The following C6orf132 variants were observed in gnomAD, a reference collection of about 807,000 sequenced individuals.
C6orf132 encodes uncharacterized protein C6orf132.
In C6orf132, 43 loss-of-function variants were observed where a neutral mutation model predicts 65.3. The ratio of observed to expected loss-of-function variants is 0.66; its 90% CI spans 0.52 to 0.85. The LOEUF is 0.85. C6orf132 is among the 40% of genes least tolerant of loss of function. C6orf132 has a pLI of 0.00. For synonymous variants in C6orf132, 631 were observed against 654.1 expected, an observed-to-expected ratio of 0.96 and a Z score of 0.54; for missense variants, 1,488 against 1,548.8, an observed-to-expected ratio of 0.96 and a Z score of 0.66.
chr6:42,127,368 C>T (rs9462774), intron 2 of C6orf132, among the ~76,000 whole-genome samples: 69,281 of 151,916 alleles, frequency 0.46, 16,067 homozygotes, highest in Middle Eastern at 0.6. Flanking sequence ...TGTGCTCAGC[C>T]CTCCACAGAG....
At chr6:42,119,966 T>G (rs9369338) in intron 2 of C6orf132, among the ~76,000 whole-genome samples, 2 of 151,426 alleles carry the variant, frequency 1.3e-5, no homozygotes, top group African/African-American at 4.8e-5. Flanking sequence ...TGGTGGCACA[T>G]GCCTGTAATC....
rs149331455 is a variant in C6orf132 at position 42,137,774 on chromosome 6, C to T, written c.145+4526G>A. 2.4e-3 allele frequency among the ~76,000 whole-genome samples: 345 copies of T among 146,416 alleles called. 1 individual carries two copies. The highest frequency in any genetic ancestry group is 8.5e-3 in the African/African-American group (335 of 39,308). Reference sequence around the variant, plus strand: ...AGCCCAAAGGCTGGGCGCGGTGGCTCACGCCTGTAAATCCCAGCACTTTGG... The same window carrying T: ...AGCCCAAAGGCTGGGCGCGGTGGCTTACGCCTGTAAATCCCAGCACTTTGG... On this transcript the variant is annotated intron_variant, in intron 1 of 4. Transcript: ENST00000341865.
intron 2 of C6orf132, among the ~76,000 whole-genome samples, chr6:42,114,172 C>T (rs1766532394): frequency 6.6e-6 from 1 of 152,140 alleles, no homozygotes; most frequent in Non-Finnish European, 1.5e-5. Flanking sequence ...GGCAAAAATC[C>T]ATCTCTGGAG....
chr6:42,107,727 C>T, intron 3 of C6orf132, 144 bp from the exon 4 acceptor site: 1 of 1,019,700 alleles, frequency 9.8e-7, no homozygotes, highest in Non-Finnish European at 1.4e-6. Flanking sequence ...GAGGGAGCAG[C>T]CCTGTGTCCA....
At chr6:42,138,927 A>G (rs971045642) in intron 1 of C6orf132, among the ~76,000 whole-genome samples, 33 of 151,826 alleles carry the variant, frequency 2.2e-4, no homozygotes, top group Non-Finnish European at 4.3e-4. Flanking sequence ...AGACTTTGTT[A>G]GGATTGCAAA....
intron 2 of C6orf132, among the ~76,000 whole-genome samples, chr6:42,117,596 A>T (rs1186545451): frequency 5.3e-5 from 8 of 152,092 alleles, no homozygotes; most frequent in Admixed American, 4.6e-4. Flanking sequence ...TTGAATGAAT[A>T]TGTTCCTGGA....
At chr6:42,136,068 TA>T (rs1413251003) in intron 1 of C6orf132, among the ~76,000 whole-genome samples, 17 of 151,118 alleles carry the variant, frequency 1.1e-4, no homozygotes, top group African/African-American at 4.1e-4. Context: ...CATATGTAAC[TA>T]ACCTGCACAT....
rs1369528155 is a variant in C6orf132 at position 42,106,070 on chromosome 6, C to T, written c.1842G>A (p.Val614=). Residue 614 remains valine, a synonymous_variant, in exon 4 of 5, where the codon GTG becomes GTA. Transcript: ENST00000341865. ...GADDDKLSKP[V]AKNLPPQSTT... ...TGGATTGAGGTGGCAGATTCTTGGC[C>T]ACAGGCTTGGAGAGTTTGTCATCAT... 1 of 1,537,118 alleles carries T rather than the reference C, an allele frequency of 6.5e-7. No individual in the cohort carries two copies. Among genetic ancestry groups the T allele is most frequent in the African/African-American group, 1.4e-5 (1 of 73,026 alleles).
In C6orf132 at chr6:42,105,810, G is replaced by A; in HGVS notation, c.2102C>T (p.Thr701Ile). 2 of 1,537,324 alleles carry A rather than the reference G, an allele frequency of 1.3e-6. No homozygotes were observed. Among genetic ancestry groups the A allele is most frequent in the South Asian group, 2.4e-5 (2 of 84,068 alleles). ...CTTCTCTGCCATCAGTTGGGATGTG[G>A]TGGTGGGCAGAGTTGTGGCTGTAGA... is the stretch of plus-strand genomic sequence containing the variant. ...IASTATTLPT[T>I]TSQLMAEKDS... Residue 701 changes from threonine to isoleucine, a missense_variant, in exon 4 of 5, where the codon ACC becomes ATC. Transcript: ENST00000341865.
Position 42,107,190 on chromosome 6 carries a change from G to A in C6orf132, c.722C>T (p.Ser241Phe). The A allele has an allele frequency of 7.0e-7, 1 of 1,427,406 alleles. No individual in the cohort carries two copies. The highest frequency in any genetic ancestry group is 2.5e-5 in the East Asian group (1 of 39,274). The allele number at this position is 1,427,406 out of a possible 1,614,324, so 88.4% of individuals were successfully genotyped here. The stretch of plus-strand genomic sequence containing the variant: ...GAGACGAGTCCCCACTGTGTGAGGA[G>A]ATGCTGGAGCTGGGGGTGCTGGGGC... ...VPAPAPPAPA[S>F]PHTVGTRLFP... The change falls in exon 4 of 5, where the codon TCT becomes TTT. Residue 241 changes from serine (S) to phenylalanine (F), a missense_variant. Ser to Phe is a radical substitution (Grantham distance 155). Transcript: ENST00000341865.
chr6:42,137,162 C>CATTCAAA (rs1213714032), intron 1 of C6orf132, among the ~76,000 whole-genome samples: 5 of 152,180 alleles, frequency 3.3e-5, no homozygotes, highest in Non-Finnish European at 7.3e-5. Flanking sequence ...ATTGAGAAGA[C>CATTCAAA]ATTCAAAGCT....
chr6:42,109,058 G>A (rs2127474197), intron 3 of C6orf132, among the ~76,000 whole-genome samples: 1 of 152,318 alleles, frequency 6.6e-6, no homozygotes, highest in African/African-American at 2.4e-5. Flanking sequence ...AACATAATGT[G>A]TGAGTACATT....
chr6:42,130,371 C>G (rs1410775267), intron 1 of C6orf132, among the ~76,000 whole-genome samples: 1 of 152,192 alleles, frequency 6.6e-6, no homozygotes, highest in Non-Finnish European at 1.5e-5. Context: ...TAGCTCACAC[C>G]CAACAGCCAC....
Position 42,106,841 on chromosome 6 carries a change from G to A in C6orf132, c.1071C>T (p.Ala357=). 1 of 1,535,844 alleles carries A rather than the reference G, an allele frequency of 6.5e-7. No individual in the cohort carries two copies. Among genetic ancestry groups the A allele is most frequent in the Non-Finnish European group, 8.7e-7 (1 of 1,146,704 alleles). The change falls in exon 4 of 5, where the codon GCC becomes GCT. Residue 357 remains alanine, a synonymous_variant. Coordinates refer to ENST00000341865, the MANE Select transcript of C6orf132 (RefSeq NM_001164446.3). The part of the protein sequence containing the change: ...RPASQVYPDR[A]PEPDCPGELK... Reference sequence around the variant, plus strand: ...GCTCCCCAGGGCAGTCTGGCTCGGGGGCCCTGTCTGGGTAGACCTGGGAGG... The same window carrying A: ...GCTCCCCAGGGCAGTCTGGCTCGGGAGCCCTGTCTGGGTAGACCTGGGAGG...
chr6:42,136,367 G>A (rs1766941641), intron 1 of C6orf132, among the ~76,000 whole-genome samples: 2 of 152,148 alleles, frequency 1.3e-5, no homozygotes, highest in South Asian at 4.1e-4. Context: ...GAGGAGGGCT[G>A]GGGCCCCAAA....
chr6:42,120,611 A>G (rs1215236323), intron 2 of C6orf132, among the ~76,000 whole-genome samples: 1 of 147,144 alleles, frequency 6.8e-6, no homozygotes, highest in African/African-American at 2.5e-5. Context: ...ATACAATAAT[A>G]GTGTGTTTTT....
At chr6:42,125,326 T>G (rs1766747352) in intron 2 of C6orf132, among the ~76,000 whole-genome samples, 1 of 152,194 alleles carries the variant, frequency 6.6e-6, no homozygotes, top group Non-Finnish European at 1.5e-5. Context: ...GTGCCTCAGT[T>G]TCCCTGCCTG....
At position 42,127,555 on chromosome 6, in the gene C6orf132, G is replaced by A. The variant is rs542005482; in HGVS notation, c.252+1117C>T. Among the ~76,000 whole-genome samples the A allele has an allele frequency of 5.9e-5, 9 of 152,302 alleles. No individual in the cohort carries two copies. The South Asian group carries it at 1.7e-3, about 28-fold the overall frequency. ...ATGGGGACCCAGGACCAATGTGTGGGGTGCCATGAAGTCTAACAGGCCCCT... is the reference window on the plus strand; with the variant it reads ...ATGGGGACCCAGGACCAATGTGTGGAGTGCCATGAAGTCTAACAGGCCCCT... On this transcript the variant is annotated intron_variant, in intron 2 of 4. Transcript: ENST00000341865.
chr6:42,118,362 A>T (rs1766616795), intron 2 of C6orf132, among the ~76,000 whole-genome samples: 1 of 152,156 alleles, frequency 6.6e-6, no homozygotes, highest in African/African-American at 2.4e-5. Context: ...GGCCTCAGAC[A>T]CAGGGCTCTG....
Sources: gnomAD v4.1 joint callset for allele counts (sites outside exome capture counted in the v4.1 genomes callset) on GRCh38, gnomAD v4.1.1 for gene constraint, MANE v1.5 for transcripts, NCBI Gene and HGNC (gene_info 2026-07-23, HGNC 2026-07-21) for gene names.